ERAP1: variants seen among roughly 807,000 people sequenced by gnomAD.
The protein encoded by ERAP1 is endoplasmic reticulum aminopeptidase 1.
A neutral mutation model predicts 103.7 loss-of-function variants in ERAP1; 86 were observed. The ratio of observed to expected loss-of-function variants is 0.83; its 90% CI spans 0.70 to 0.99. The LOEUF is 0.99. ERAP1 is among the 50% of genes least tolerant of loss of function. ERAP1 has a pLI of 0.00. For missense variants in ERAP1, 1,009 were observed against 1,128.4 expected (o/e 0.89, Z 1.52); for synonymous variants, 398 against 402.4 (o/e 0.99, Z 0.13).
the ERAP1 span, among the ~76,000 whole-genome samples, chr5:96,850,365 A>C: frequency 0.048 from 7,274 of 152,278 alleles, 214 homozygotes; most frequent in South Asian, 0.11. Context: ...TATCTAAGAT[A>C]TATTAAAAAA....
chr5:96,777,792 C>T (rs1052257692), intron 18 of ERAP1, among the ~76,000 whole-genome samples: 2 of 152,200 alleles, frequency 1.3e-5, no homozygotes, highest in East Asian at 1.9e-4. Context: ...TCTACAACAG[C>T]GAAGCCAGCT....
At chr5:96,901,944 T>G in the ERAP1 span, among the ~76,000 whole-genome samples, 3 of 152,206 alleles carry the variant, frequency 2.0e-5, no homozygotes, top group African/African-American at 7.2e-5. Context: ...GGCTGGCAGT[T>G]TTTGAAAATG....
In ERAP1 at chr5:96,765,362, T is replaced by TA. The variant is rs11399505; in HGVS notation, c.2819-2135dup. On this transcript the variant is annotated intron_variant, in intron 19 of 19. Transcript: ENST00000296754. ...AAAAAAAAAAAAAAAAATTCACTAA[T>TA]AGTGAAATTTTAATCCTTGGGTCTT... is the stretch of plus-strand genomic sequence containing the variant. 0.81 allele frequency: 599,560 copies of TA among 737,846 alleles called. 258,139 individuals are homozygous for TA. The highest frequency in any genetic ancestry group is 0.87 in the Admixed American group (31,558 of 36,102). The allele number at this position is 737,846 out of a possible 1,614,324, so 45.7% of individuals were successfully genotyped here.
At chr5:96,923,651 G>GC in the ERAP1 span, among the ~76,000 whole-genome samples, 2 of 149,410 alleles carry the variant, frequency 1.3e-5, no homozygotes, top group African/African-American at 4.9e-5. Flanking sequence ...CCGAGATCAG[G>GC]CCACTGCACT....
At chr5:96,920,274 C>T in the ERAP1 span, among the ~76,000 whole-genome samples, 3 of 150,994 alleles carry the variant, frequency 2.0e-5, no homozygotes, top group Admixed American at 2.0e-4. Context: ...CACTGCACTC[C>T]AGCCTGGGTG....
the ERAP1 span, among the ~76,000 whole-genome samples, chr5:96,844,453 T>C: frequency 6.6e-6 from 1 of 152,230 alleles, no homozygotes; most frequent in Non-Finnish European, 1.5e-5. Flanking sequence ...TTTATTTATT[T>C]ATTTTTTGCT....
the ERAP1 span, among the ~76,000 whole-genome samples, chr5:96,927,557 G>C: frequency 6.6e-6 from 1 of 152,080 alleles, no homozygotes; most frequent in Non-Finnish European, 1.5e-5. Flanking sequence ...CGCAATCTCG[G>C]CTCACTGCAA....
the ERAP1 span, among the ~76,000 whole-genome samples, chr5:96,818,893 C>CATTTATGTATTT: frequency 4.6e-3 from 651 of 141,838 alleles, 5 homozygotes; most frequent in Non-Finnish European, 5.9e-3. Context: ...ACCTGAACTG[C>CATTTATGTATTT]ATTTATTTAT....
chr5:96,864,932 A>G, the ERAP1 span, among the ~76,000 whole-genome samples: 89 of 152,198 alleles, frequency 5.8e-4, 1 homozygote, highest in Non-Finnish European at 7.4e-5. Flanking sequence ...AAATGCAAAT[A>G]TGAGCTAATA....
At chr5:96,872,784 T>G in the ERAP1 span, among the ~76,000 whole-genome samples, 5 of 152,196 alleles carry the variant, frequency 3.3e-5, no homozygotes, top group Non-Finnish European at 7.3e-5. Context: ...AAGAAGATGT[T>G]TCAATTCTCT....
chr5:96,905,325 A>AT, the ERAP1 span, among the ~76,000 whole-genome samples: 11 of 152,322 alleles, frequency 7.2e-5, no homozygotes, highest in African/African-American at 2.6e-4. Context: ...ACCTGAAGGA[A>AT]TTATTTCAAA....
In ERAP1 at chr5:96,800,897, C is replaced by G; in HGVS notation, c.628G>C (p.Glu210Gln). Reference sequence around the variant, plus strand: ...TTGGAGATGGCTAGGTGCCTTGGCTCTCTTCTAATTTTGATTGAGAAACTT... The same window carrying G: ...TTGGAGATGGCTAGGTGCCTTGGCTGTCTTCTAATTTTGATTGAGAAACTT... Reference protein sequence around the residue: ...KASFSIKIRREPRHLAISNMP... With the variant: ...KASFSIKIRRQPRHLAISNMP... Residue 210 changes from glutamate (E) to glutamine (Q), a missense_variant, in exon 3 of 19, where the codon GAG (glutamate) becomes CAG (glutamine). Coordinates refer to ENST00000443439, the MANE Select transcript of ERAP1 (RefSeq NM_001040458.3). 3 of 1,614,124 alleles carry G rather than the reference C, an allele frequency of 1.9e-6. No individual in the cohort carries two copies. The highest frequency in any genetic ancestry group is 2.5e-6 in the Non-Finnish European group (3 of 1,180,022).
chr5:96,819,114 C>T, the ERAP1 span, among the ~76,000 whole-genome samples: 6 of 151,712 alleles, frequency 4.0e-5, no homozygotes, highest in South Asian at 2.1e-4. Context: ...TTAATAGAGA[C>T]GGGGTTTCAA....
the ERAP1 span, among the ~76,000 whole-genome samples, chr5:96,823,749 T>C: frequency 6.6e-6 from 1 of 152,224 alleles, no homozygotes; most frequent in Non-Finnish European, 1.5e-5. Flanking sequence ...GATTTGTTTC[T>C]ACCATAGATC....
chr5:96,779,259 A>AT (rs1491407744), intron 18 of ERAP1: 4 of 152,246 alleles, frequency 2.6e-5, no homozygotes, highest in Non-Finnish European at 4.4e-5. Context: ...CATGTGTGGC[A>AT]TATATGTCTT....
upstream of ERAP1, among the ~76,000 whole-genome samples, chr5:96,810,896 A>G (rs1779111177): frequency 6.6e-6 from 1 of 152,120 alleles, no homozygotes. Flanking sequence ...TCCTATTTTA[A>G]TCATATTACC....
At chr5:96,931,129 T>A in the ERAP1 span, among the ~76,000 whole-genome samples, 187 of 151,944 alleles carry the variant, frequency 1.2e-3, 2 homozygotes, top group African/African-American at 4.2e-3. Context: ...ACAACCTTGG[T>A]CATCTCCTAA....
At chr5:96,885,280 G>C in the ERAP1 span, among the ~76,000 whole-genome samples, 1 of 152,110 alleles carries the variant, frequency 6.6e-6, no homozygotes, top group Non-Finnish European at 1.5e-5. Flanking sequence ...TAATACCCCA[G>C]CTCTCAGCCC....
chr5:96,840,798 C>T, the ERAP1 span, among the ~76,000 whole-genome samples: 79 of 152,096 alleles, frequency 5.2e-4, no homozygotes, highest in Non-Finnish European at 8.4e-4. Context: ...CTCCGCCTCC[C>T]GGGTTCAAGC....
Sources: allele counts gnomAD v4.1 joint callset (sites outside exome capture counted in the v4.1 genomes callset), GRCh38; gene constraint gnomAD v4.1.1; transcripts MANE v1.5; gene names NCBI Gene and HGNC (gene_info 2026-07-23, HGNC 2026-07-21).